The following MAGI2 variants were observed in gnomAD, a reference collection of about 807,000 sequenced individuals.
MAGI2 encodes membrane associated guanylate kinase, WW and PDZ domain containing 2.
A neutral mutation model predicts 133.3 loss-of-function variants in MAGI2; 35 were observed. The ratio of observed to expected loss-of-function variants is 0.26; its 90% confidence interval spans 0.20 to 0.35. MAGI2 has a LOEUF of 0.35. MAGI2 is among the 10% of genes least tolerant of loss of function. The pLI is 1.00. For synonymous variants in MAGI2, 729 were observed against 710.6 expected (o/e 1.03, Z -0.41); for missense variants, 1,636 against 1,863.4 (o/e 0.88, Z 2.25).
intron 3 of MAGI2, among the ~76,000 whole-genome samples, chr7:78,526,774 C>A (rs748862634): frequency 1.3e-5 from 2 of 151,998 alleles, no homozygotes; most frequent in Middle Eastern, 3.4e-3. Context: ...CTTTGGGAGG[C>A]TGAGGCGGGC....
At chr7:79,381,110 C>A (rs998356333) in intron 1 of MAGI2, among the ~76,000 whole-genome samples, 1 of 148,436 alleles carries the variant, frequency 6.7e-6, no homozygotes, top group African/African-American at 2.5e-5. Flanking sequence ...TCTAAGGACT[C>A]AATGCCATAT....
chr7:78,224,396 T>TGGC (rs1237842536), intron 10 of MAGI2, among the ~76,000 whole-genome samples: 1 of 152,182 alleles, frequency 6.6e-6, no homozygotes, highest in Non-Finnish European at 1.5e-5. Flanking sequence ...CCAGGCGCGG[T>TGGC]GGCTCATGCC....
chr7:78,946,177 T>C (rs763593831), intron 2 of MAGI2, among the ~76,000 whole-genome samples: 2 of 152,174 alleles, frequency 1.3e-5, no homozygotes, highest in African/African-American at 2.4e-5. Flanking sequence ...AGTTAGCATA[T>C]TTAAAATACT....
intron 2 of MAGI2, among the ~76,000 whole-genome samples, chr7:78,646,661 T>C (rs972604324): frequency 6.6e-6 from 1 of 152,218 alleles, no homozygotes; most frequent in African/African-American, 2.4e-5. Context: ...TAGGACAATA[T>C]AATGGAAGAT....
intron 1 of MAGI2, among the ~76,000 whole-genome samples, chr7:79,049,172 T>A (rs1025429277): frequency 6.6e-6 from 1 of 152,132 alleles, no homozygotes; most frequent in African/African-American, 2.4e-5. Context: ...TGTGGATAAA[T>A]GGAAAATTTG....
intron 20 of MAGI2, among the ~76,000 whole-genome samples, chr7:78,109,831 G>A (rs527823017): frequency 6.6e-6 from 1 of 152,268 alleles, no homozygotes; most frequent in African/African-American, 2.4e-5. Flanking sequence ...AACAGTTCAG[G>A]ATAGCAAAGA....
At chr7:79,345,396 C>G (rs569589453) in intron 1 of MAGI2, among the ~76,000 whole-genome samples, 3 of 151,958 alleles carry the variant, frequency 2.0e-5, no homozygotes, top group Non-Finnish European at 4.4e-5. Flanking sequence ...ACCCTACTGA[C>G]AGTTTGATCT....
chr7:79,427,644 A>G (rs1229467354), intron 1 of MAGI2, among the ~76,000 whole-genome samples: 2 of 152,174 alleles, frequency 1.3e-5, no homozygotes, highest in Non-Finnish European at 2.9e-5. Flanking sequence ...CTAAGATCCA[A>G]TGCATATGTA....
intron 2 of MAGI2, among the ~76,000 whole-genome samples, chr7:78,916,192 A>G (rs1436223067): frequency 2.0e-5 from 3 of 152,120 alleles, no homozygotes; most frequent in East Asian, 1.9e-4. Flanking sequence ...CATCTGTAAA[A>G]TAGGAACAAC....
chr7:78,070,614 ATATGTG>A (rs1814564534), intron 21 of MAGI2, among the ~76,000 whole-genome samples: 2 of 128,388 alleles, frequency 1.6e-5, no homozygotes, highest in Non-Finnish European at 3.2e-5. Context: ...GTGTATATAT[ATATGTG>A]TGTGTGTGTG....
chr7:78,107,933 T>G (rs901227154), intron 20 of MAGI2, among the ~76,000 whole-genome samples: 1 of 149,946 alleles, frequency 6.7e-6, no homozygotes, highest in Admixed American at 6.8e-5. Context: ...AGCTTTCATT[T>G]TGTTGACCTT....
At chr7:78,884,882 T>A (rs34542090) in intron 2 of MAGI2, among the ~76,000 whole-genome samples, 40,780 of 152,082 alleles carry the variant, frequency 0.27, 6,543 homozygotes, top group East Asian at 0.51. Flanking sequence ...ATGTTTATCA[T>A]AGTACTATTC....
At chr7:79,261,747 A>G (rs932241945) in intron 1 of MAGI2, among the ~76,000 whole-genome samples, 2 of 152,164 alleles carry the variant, frequency 1.3e-5, no homozygotes, top group African/African-American at 4.8e-5. Flanking sequence ...CACAAAATAC[A>G]ATTTAAAGAT....
intron 2 of MAGI2, among the ~76,000 whole-genome samples, chr7:78,926,668 T>A (rs1410294406): frequency 6.6e-6 from 1 of 152,032 alleles, no homozygotes; most frequent in Non-Finnish European, 1.5e-5. Context: ...TCTCAAATTT[T>A]TATGGAATGA....
chr7:78,733,894 A>C (rs1821599868), intron 2 of MAGI2, among the ~76,000 whole-genome samples: 1 of 152,216 alleles, frequency 6.6e-6, no homozygotes, highest in African/African-American at 2.4e-5. Context: ...ACAATGCCCC[A>C]ACTGTAATGG....
intron 1 of MAGI2, chr7:79,411,668 G>A (rs765508631): frequency 4.6e-5 from 7 of 152,032 alleles, no homozygotes; most frequent in Non-Finnish European, 8.8e-5. Context: ...TAAGTCTGTG[G>A]TAATTTGTTA....
chr7:78,304,985 T>A (rs1033636817), intron 9 of MAGI2, among the ~76,000 whole-genome samples: 60 of 152,142 alleles, frequency 3.9e-4, no homozygotes, highest in African/African-American at 1.4e-3. Flanking sequence ...TATTATAGAT[T>A]GATTTGGTTT....
chr7:78,767,211 G>A lies in MAGI2; in HGVS notation c.419-139972C>T, dbSNP rs548924985. ...TCACCATGTTGGCCAGGCTGGTTTC[G>A]AATTCCTAACCTTGTGATCCGCCTG... On this transcript the variant is annotated intron_variant, in intron 2 of 21. Transcript: ENST00000354212. Among the ~76,000 whole-genome samples, 5 of 152,126 alleles carry A rather than the reference G, an allele frequency of 3.3e-5. No individual in the cohort carries two copies. In the South Asian group the frequency reaches 8.3e-4, roughly 25 times the overall value.
intron 9 of MAGI2, among the ~76,000 whole-genome samples, chr7:78,278,635 ATTAACTGACT>A (rs534612754): frequency 1.3e-5 from 2 of 152,298 alleles, no homozygotes; most frequent in East Asian, 3.9e-4. Flanking sequence ...AACATCTACA[ATTAACTGACT>A]TTAAGTAAAG....
Sources: allele counts gnomAD v4.1 joint callset (sites outside exome capture counted in the v4.1 genomes callset), GRCh38; gene constraint gnomAD v4.1.1; transcripts MANE v1.5; gene names NCBI Gene and HGNC (gene_info 2026-07-23, HGNC 2026-07-21).